BLNK: variants seen among roughly 807,000 people sequenced by gnomAD.
BLNK encodes the protein B-cell linker protein.
In BLNK, 29 loss-of-function variants were observed where a neutral mutation model predicts 73.5. The ratio of observed to expected loss-of-function variants is 0.39; its 90% CI spans 0.29 to 0.54. The LOEUF (loss-of-function observed/expected upper bound fraction) is 0.54, where lower values mean the gene tolerates loss of function less well. BLNK is among the 20% of genes least tolerant of loss of function. BLNK has a pLI of 0.61. For missense variants in BLNK, 460 were observed against 562.8 expected (o/e 0.82, Z 1.85); for synonymous variants, 176 against 200.8 (o/e 0.88, Z 1.04).
chr10:96,263,944 C>T (rs1377080170), intron 1 of BLNK, among the ~76,000 whole-genome samples: 2 of 152,192 alleles, frequency 1.3e-5, no homozygotes, highest in Non-Finnish European at 2.9e-5. Context: ...CAGCCAGCAT[C>T]ACACTTCAGG....
chr10:96,204,159 T>C, intron 12 of BLNK, 71 bp from the exon 13 acceptor site: 1 of 1,492,204 alleles, frequency 6.7e-7, no homozygotes. Flanking sequence ...TTGTTTACAC[T>C]GATGATGCTG....
intron 1 of BLNK, among the ~76,000 whole-genome samples, chr10:96,261,376 C>T (rs797033625): frequency 2.7e-4 from 41 of 152,240 alleles, no homozygotes; most frequent in African/African-American, 9.9e-4. Flanking sequence ...TTTCATCACC[C>T]CTAAATAAAA....
intron 1 of BLNK, among the ~76,000 whole-genome samples, chr10:96,252,528 T>G (rs1554909448): frequency 4.6e-5 from 7 of 152,240 alleles, no homozygotes; most frequent in Non-Finnish European, 1.0e-4. Context: ...GTGCAAAGTT[T>G]CAGACAAATA....
Position 96,227,528 on chromosome 10 carries a change from T to A in BLNK, c.243A>T (p.Ser81=), listed in dbSNP as rs1564832044. Residue 81 remains serine, a synonymous_variant, in exon 5 of 17, where the codon TCA becomes TCT. Transcript: ENST00000224337. Reference sequence around the variant, plus strand: ...CCTCGGCGGGCATCACGTACATCTCTGAGTCCGAGTGCTCATCTGGATTTT... The same window carrying A: ...CCTCGGCGGGCATCACGTACATCTCAGAGTCCGAGTGCTCATCTGGATTTT... ...DYENPDEHSD[S]EMYVMPAEEN... 3 of 1,614,210 alleles carry A rather than the reference T, an allele frequency of 1.9e-6. No individual in the cohort carries two copies. The highest frequency in any genetic ancestry group is 1.6e-4 in the Middle Eastern group (1 of 6,062).
At chr10:96,241,498 T>G (rs1842877532) in intron 3 of BLNK, among the ~76,000 whole-genome samples, 1 of 152,206 alleles carries the variant, frequency 6.6e-6, no homozygotes, top group Non-Finnish European at 1.5e-5. Context: ...GGAATGAGGT[T>G]GCAGGCTAAA....
intron 2 of BLNK, among the ~76,000 whole-genome samples, chr10:96,245,823 CA>C (rs59820640): frequency 0.034 from 5,244 of 152,162 alleles, 302 homozygotes; most frequent in African/African-American, 0.12. Flanking sequence ...TACATATATA[CA>C]TACTTATACA....
chr10:96,203,533 ACGTT>A (rs55959527), intron 13 of BLNK: 2,111 of 152,344 alleles, frequency 0.014, 16 homozygotes, highest in Non-Finnish European at 0.024. Flanking sequence ...TTGGGCAGTT[ACGTT>A]CTGTGAGCCT....
rs782684052 is a variant in BLNK, at chr10:96,204,523, G to C, written c.902+9C>G. On this transcript the variant is annotated intron_variant, in intron 12 of 16. Transcript: ENST00000224337. ...GAGGAAACTGATCTTTAAAGGAAAG[G>C]ATTCTTACTTCTGGGCAGGAGGAAA... 4.6e-5 allele frequency: 74 copies of C among 1,613,450 alleles called. 1 individual carries two copies. In the East Asian group the frequency reaches 9.4e-4, roughly 20 times the overall value.
intron 9 of BLNK, among the ~76,000 whole-genome samples, chr10:96,208,694 C>T (rs1273641331): frequency 3.9e-5 from 6 of 152,170 alleles, no homozygotes; most frequent in African/African-American, 1.2e-4. Flanking sequence ...ATCTCTCTCT[C>T]GCTTTGTTTT....
Position 96,241,614 on chromosome 10 carries a change from G to T in BLNK, c.163+1121C>A, listed in dbSNP as rs587644537. On this transcript the variant is annotated intron_variant, in intron 3 of 16. Coordinates refer to ENST00000224337, the MANE Select transcript of BLNK (RefSeq NM_013314.4). ...TAAACAGCTTTTGATGGAGGAAGTA[G>T]TCTCTTCCCCACTTACCCCACACTC... is the stretch of plus-strand genomic sequence containing the variant. Among the ~76,000 whole-genome samples the T allele has an allele frequency of 2.6e-5, 4 of 152,236 alleles. No homozygotes were observed. The South Asian group carries it at 8.3e-4, about 32-fold the overall frequency.
At chr10:96,232,233 A>T (rs1188244250) in intron 3 of BLNK, among the ~76,000 whole-genome samples, 1 of 152,178 alleles carries the variant, frequency 6.6e-6, no homozygotes, top group Non-Finnish European at 1.5e-5. Flanking sequence ...AGCCACTGCC[A>T]CAGAGGATCC....
At chr10:96,236,612 G>A (rs1305304455) in intron 3 of BLNK, among the ~76,000 whole-genome samples, 7 of 152,064 alleles carry the variant, frequency 4.6e-5, no homozygotes, top group Admixed American at 3.3e-4. Context: ...ACTGGAGGCC[G>A]GGAATTTGAG....
chr10:96,270,897 C>A (rs1477563583), intron 1 of BLNK, among the ~76,000 whole-genome samples: 2 of 152,120 alleles, frequency 1.3e-5, no homozygotes, highest in Admixed American at 1.3e-4. Flanking sequence ...TATACACCCA[C>A]AAAATAAATG....
intron 1 of BLNK, among the ~76,000 whole-genome samples, chr10:96,249,062 G>A (rs993246323): frequency 3.9e-5 from 6 of 152,202 alleles, no homozygotes; most frequent in East Asian, 3.8e-4. Flanking sequence ...AGAGTAGGAC[G>A]TTTTAATTCA....
chr10:96,248,619 T>C (rs1843149936), intron 1 of BLNK, among the ~76,000 whole-genome samples: 1 of 152,254 alleles, frequency 6.6e-6, no homozygotes. Flanking sequence ...ATGATATCAG[T>C]ATATACATAT....
At chr10:96,212,943 G>A (rs1296899530) in intron 8 of BLNK, among the ~76,000 whole-genome samples, 2 of 152,056 alleles carry the variant, frequency 1.3e-5, no homozygotes, top group African/African-American at 4.8e-5. Flanking sequence ...CTTCCTGTAG[G>A]TACTCCCACC....
chr10:96,205,604 C>A (rs1478800846), intron 11 of BLNK, among the ~76,000 whole-genome samples: 4 of 152,188 alleles, frequency 2.6e-5, no homozygotes, highest in Non-Finnish European at 5.9e-5. Context: ...GAAGGAGAAA[C>A]AATGAACACC....
chr10:96,225,562 T>C (rs1014721017), intron 5 of BLNK, among the ~76,000 whole-genome samples: 1 of 152,182 alleles, frequency 6.6e-6, no homozygotes, highest in Non-Finnish European at 1.5e-5. Flanking sequence ...TACTCAGATT[T>C]CTGAGTAAAC....
chr10:96,242,694 A>G, intron 3 of BLNK, 41 bp downstream of exon 3: 1 of 1,561,206 alleles, frequency 6.4e-7, no homozygotes, highest in Non-Finnish European at 8.8e-7. Flanking sequence ...TGAACATTAA[A>G]TTAGTCAAGA....
Sources: allele counts gnomAD v4.1 joint callset (sites outside exome capture counted in the v4.1 genomes callset), GRCh38; gene constraint gnomAD v4.1.1; transcripts MANE v1.5; gene names NCBI Gene and HGNC (gene_info 2026-07-23, HGNC 2026-07-21).